The following GUCY1A2 variants were observed in gnomAD, a reference collection of about 807,000 sequenced individuals.
The protein encoded by GUCY1A2 is guanylate cyclase soluble subunit alpha-2.
Under a neutral mutation model 63.5 loss-of-function variants are expected in GUCY1A2, and 27 were observed. That is an observed-to-expected ratio of 0.43 (90% confidence interval 0.31 to 0.59). The LOEUF (loss-of-function observed/expected upper bound fraction) is 0.59. GUCY1A2 is among the 20% of genes least tolerant of loss of function. GUCY1A2 has a pLI of 0.11. For synonymous variants in GUCY1A2, 364 were observed against 343.5 expected, an observed-to-expected ratio of 1.06 and a Z score of -0.66; for missense variants, 768 against 913.3, an observed-to-expected ratio of 0.84 and a Z score of 2.05.
chr11:106,798,228 C>T (rs868357538), intron 5 of GUCY1A2, among the ~76,000 whole-genome samples: 3 of 152,102 alleles, frequency 2.0e-5, no homozygotes, highest in Middle Eastern at 3.4e-3. Flanking sequence ...AAGTTGAATC[C>T]CTGAATAGAC....
intron 5 of GUCY1A2, among the ~76,000 whole-genome samples, chr11:106,797,835 C>T (rs1454710554): frequency 6.6e-6 from 1 of 152,180 alleles, no homozygotes; most frequent in East Asian, 1.9e-4. Context: ...AAAATTGACA[C>T]CCTACATCAC....
intron 4 of GUCY1A2, among the ~76,000 whole-genome samples, chr11:106,902,673 C>A (rs1006291505): frequency 1.3e-5 from 2 of 152,150 alleles, no homozygotes; most frequent in Middle Eastern, 3.2e-3. Context: ...TCCATGGGTT[C>A]CACATCCAGA....
intron 4 of GUCY1A2, among the ~76,000 whole-genome samples, chr11:106,841,771 C>T (rs899851507): frequency 1.3e-5 from 2 of 151,964 alleles, no homozygotes; most frequent in Non-Finnish European, 2.9e-5. Context: ...GAAATTCCCC[C>T]TTGTGCTTAA....
chr11:106,905,948 T>C (rs1860198949), intron 4 of GUCY1A2, among the ~76,000 whole-genome samples: 1 of 152,112 alleles, frequency 6.6e-6, no homozygotes, highest in Non-Finnish European at 1.5e-5. Flanking sequence ...TAACTCAAGA[T>C]GGATTAAACA....
intron 4 of GUCY1A2, chr11:106,827,855 C>G (rs1441069247): frequency 3.7e-6 from 6 of 1,600,086 alleles, no homozygotes; most frequent in Non-Finnish European, 5.1e-6. Flanking sequence ...CCACCATGAA[C>G]TTCCCTGCAG....
chr11:106,775,402 A>AG (rs1024950324), intron 6 of GUCY1A2, among the ~76,000 whole-genome samples: 12 of 148,488 alleles, frequency 8.1e-5, no homozygotes, highest in Admixed American at 4.6e-4. Flanking sequence ...GGCATCCTCC[A>AG]GGGGGGAATA....
At chr11:106,739,997 CTT>C (rs35005245) in intron 6 of GUCY1A2, among the ~76,000 whole-genome samples, 3,986 of 129,696 alleles carry the variant, frequency 0.031, 37 homozygotes, top group African/African-American at 0.042. Flanking sequence ...TTGAGAGGCA[CTT>C]TTTTTTTTTT....
intron 4 of GUCY1A2, among the ~76,000 whole-genome samples, chr11:106,886,059 T>C (rs1326874443): frequency 6.6e-6 from 1 of 152,288 alleles, no homozygotes; most frequent in East Asian, 1.9e-4. Context: ...TTCATTCTCA[T>C]GCTGTATTCC....
chr11:106,975,446 C>A (rs1861250083), intron 3 of GUCY1A2, among the ~76,000 whole-genome samples: 1 of 152,074 alleles, frequency 6.6e-6, no homozygotes, highest in Non-Finnish European at 1.5e-5. Context: ...AAAATTAGAT[C>A]ATTTTGGTAT....
At chr11:106,997,353 T>C (rs1861552751) in intron 1 of GUCY1A2, among the ~76,000 whole-genome samples, 1 of 152,164 alleles carries the variant, frequency 6.6e-6, no homozygotes. Context: ...CAGTGGCTTT[T>C]GTCACTTTGC....
At chr11:106,741,918 T>C (rs1340567856) in intron 6 of GUCY1A2, among the ~76,000 whole-genome samples, 1 of 152,232 alleles carries the variant, frequency 6.6e-6, no homozygotes, top group African/African-American at 2.4e-5. Context: ...TTCCACATAG[T>C]GCATACAGCT....
chr11:106,686,343 A>G lies in GUCY1A2; in HGVS notation c.*1206T>C. The G allele has an allele frequency of 4.5e-6, 1 of 220,410 alleles. No individual in the cohort carries two copies. Among genetic ancestry groups the G allele is most frequent in the Non-Finnish European group, 9.1e-6 (1 of 109,930 alleles). 13.7% of individuals were successfully genotyped at this position (220,410 alleles called of 1,614,324 possible). On this transcript the variant is annotated 3_prime_UTR_variant, in exon 8 of 8. Transcript: ENST00000526355. ...ACCTACTTCAGTATTCATGAAAGTG[A>G]TTCACTGAATTTAAAAGCCATATCA...
intron 3 of GUCY1A2, among the ~76,000 whole-genome samples, chr11:106,941,306 C>T (rs1860749687): frequency 6.6e-6 from 1 of 152,138 alleles, no homozygotes. Context: ...ACAATGTATT[C>T]TATCGTAATA....
intron 4 of GUCY1A2, among the ~76,000 whole-genome samples, chr11:106,865,867 A>G (rs909281792): frequency 6.6e-6 from 1 of 151,280 alleles, no homozygotes; most frequent in Non-Finnish European, 1.5e-5. Context: ...TAAAAACAAA[A>G]CTCATATGGC....
chr11:106,946,755 T>C lies in GUCY1A2; in HGVS notation c.488-6577A>G, dbSNP rs560490691. ...TTACTAATGAGTATGGGGTTTCTTTTTGGAGTGATGAAAATGTTCTAAAAT... is the reference window on the plus strand; with the variant it reads ...TTACTAATGAGTATGGGGTTTCTTTCTGGAGTGATGAAAATGTTCTAAAAT... On this transcript the variant is annotated intron_variant, in intron 3 of 7. Coordinates refer to ENST00000526355, the MANE Select transcript of GUCY1A2 (RefSeq NM_000855.3). 1.2e-4 allele frequency among the ~76,000 whole-genome samples: 19 copies of C among 152,278 alleles called. No homozygotes were observed. The East Asian group carries it at 3.7e-3, about 29-fold the overall frequency.
At chr11:107,001,956 T>C (rs997669822) in intron 1 of GUCY1A2, among the ~76,000 whole-genome samples, 2 of 151,354 alleles carry the variant, frequency 1.3e-5, no homozygotes, top group African/African-American at 2.4e-5. Flanking sequence ...GAGGCAGAGG[T>C]TGCAATGAGC....
chr11:106,782,754 G>A (rs1864486905), intron 5 of GUCY1A2, among the ~76,000 whole-genome samples: 1 of 135,036 alleles, frequency 7.4e-6, no homozygotes. Flanking sequence ...AGGTTGGCCA[G>A]GAAACACAAA....
At chr11:106,790,937 A>AT (rs1314664082) in intron 5 of GUCY1A2, among the ~76,000 whole-genome samples, 5 of 152,182 alleles carry the variant, frequency 3.3e-5, no homozygotes, top group African/African-American at 1.2e-4. Flanking sequence ...TGTAAGTTGC[A>AT]CTGCCTGGGG....
chr11:106,787,415 G>GAT (rs111670130), intron 5 of GUCY1A2, among the ~76,000 whole-genome samples: 28,856 of 135,822 alleles, frequency 0.21, 3,377 homozygotes, highest in East Asian at 0.41. Flanking sequence ...GCCTTACTTT[G>GAT]TTTTTTTTTT....
Sources: allele counts gnomAD v4.1 joint callset (sites outside exome capture counted in the v4.1 genomes callset), GRCh38; gene constraint gnomAD v4.1.1; transcripts MANE v1.5; gene names NCBI Gene and HGNC (gene_info 2026-07-23, HGNC 2026-07-21).